CCDC57: variants seen among roughly 807,000 people sequenced by gnomAD.
The protein encoded by CCDC57 is coiled-coil domain containing 57.
In CCDC57, 118 loss-of-function variants were observed where a neutral mutation model predicts 118.9. The observed-to-expected ratio is 0.99, with a 90% CI of 0.86 to 1.16. The LOEUF is 1.16. CCDC57 is among the 50% of genes most tolerant of loss of function. The pLI is 0.00. For synonymous variants in CCDC57, 527 were observed against 532.9 expected (o/e 0.99, Z 0.15); for missense variants, 1,300 against 1,320.7 (o/e 0.98, Z 0.24).
chr17:82,181,943 C>T (rs2146459871), intron 9 of CCDC57, among the ~76,000 whole-genome samples: 1 of 152,102 alleles, frequency 6.6e-6, no homozygotes, highest in Non-Finnish European at 1.5e-5. Context: ...CATGGTGAAA[C>T]CCTGTCTCTA....
At chr17:82,201,877 G>A (rs981530375) in exon 3 of CCDC57, 23 of 1,612,268 alleles carry the variant, frequency 1.4e-5, no homozygotes, top group East Asian at 4.5e-5. Flanking sequence ...TGCCTGCAGC[G>A]CCCTCCACTC....
intron 3 of CCDC57, among the ~76,000 whole-genome samples, 192 bp from the exon 3 acceptor site, chr17:82,198,614 A>G (rs940419706): frequency 2.6e-5 from 4 of 152,040 alleles, no homozygotes; most frequent in African/African-American, 9.7e-5. Flanking sequence ...ATAAAAGAGG[A>G]AATTAAATAG....
At chr17:82,157,474 G>A in intron 15 of CCDC57, 1 of 1,401,020 alleles carries the variant, frequency 7.1e-7, no homozygotes, top group South Asian at 1.6e-5. Context: ...GATGCTGTTA[G>A]CTGAAGGGAG....
rs8070014 is a variant in CCDC57, at chr17:82,157,371, T to C, written c.2241+377A>G. 65 of 1,001,902 alleles carry C rather than the reference T, an allele frequency of 6.5e-5. 3 individuals carry two copies. The South Asian group carries it at 1.7e-3, about 26-fold the overall frequency. The allele number at this position is 1,001,902 out of a possible 1,614,324, so 62.1% of individuals were successfully genotyped here. ...CCCAACGCTAGGCATGGGGCAGGCA[T>C]GGCTGTGCACGCAGACGCCCCCTCA... On this transcript the variant is annotated intron_variant, in intron 15 of 19. Coordinates refer to ENST00000665763, the Ensembl canonical transcript of CCDC57.
chr17:82,201,744 C>T (rs571832699), exon 3 of CCDC57: 5 of 1,613,978 alleles, frequency 3.1e-6, no homozygotes, highest in Admixed American at 1.7e-5. Flanking sequence ...GCTCGAGGTC[C>T]CGCTCCTCCA....
At chr17:82,107,853 C>T (rs77270221) in intron 19 of CCDC57, among the ~76,000 whole-genome samples, 1 of 152,158 alleles carries the variant, frequency 6.6e-6, no homozygotes, top group Non-Finnish European at 1.5e-5. Context: ...CCATCGGGTG[C>T]TCTCAGGACA....
chr17:82,170,924 A>G (rs568227125), intron 13 of CCDC57, among the ~76,000 whole-genome samples: 1 of 152,402 alleles, frequency 6.6e-6, no homozygotes, highest in East Asian at 1.9e-4. Flanking sequence ...GCTACCTCGC[A>G]CGATGTGGAT....
chr17:82,123,161 C>T (rs1327255499), intron 19 of CCDC57, among the ~76,000 whole-genome samples: 2 of 127,204 alleles, frequency 1.6e-5, no homozygotes, highest in Non-Finnish European at 3.2e-5. Context: ...CAGGGTCTTG[C>T]TCTCTCACCC....
At chr17:82,201,235 T>C (rs374517268) in intron 3 of CCDC57, among the ~76,000 whole-genome samples, 6 of 152,250 alleles carry the variant, frequency 3.9e-5, no homozygotes, top group Non-Finnish European at 7.3e-5. Context: ...TTAATATAGA[T>C]TTATAATTAA....
intron 19 of CCDC57, among the ~76,000 whole-genome samples, chr17:82,110,849 A>T (rs1242614511): frequency 1.3e-5 from 2 of 151,994 alleles, no homozygotes; most frequent in African/African-American, 2.4e-5. Context: ...ACATGGAGAA[A>T]CCCTGTTTCT....
intron 16 of CCDC57, among the ~76,000 whole-genome samples, chr17:82,138,567 G>T (rs984451048): frequency 1.3e-5 from 2 of 152,124 alleles, no homozygotes; most frequent in African/African-American, 4.8e-5. Context: ...AAAGAAAAAA[G>T]ATGTTAAGGA....
intron 17 of CCDC57, among the ~76,000 whole-genome samples, chr17:82,131,345 C>T (rs771000871): frequency 2.0e-5 from 3 of 151,786 alleles, no homozygotes; most frequent in East Asian, 2.0e-4. Flanking sequence ...GCAGGAGAAT[C>T]GCTTGAACCT....
intron 8 of CCDC57, among the ~76,000 whole-genome samples, chr17:82,186,664 A>G (rs1208719315): frequency 3.3e-5 from 5 of 152,172 alleles, no homozygotes; most frequent in Admixed American, 6.5e-5. Flanking sequence ...AGAATTCTCT[A>G]TCGGTGGTGG....
intron 7 of CCDC57, 51 bp from the exon 7 acceptor site, chr17:82,188,470 G>C: frequency 6.4e-7 from 1 of 1,552,498 alleles, no homozygotes. Flanking sequence ...CAACACCCAG[G>C]CCCCAGACCC....
chr17:82,195,700 C>G (rs891832235), intron 4 of CCDC57, among the ~76,000 whole-genome samples: 18 of 152,136 alleles, frequency 1.2e-4, no homozygotes, highest in Admixed American at 4.6e-4. Context: ...CCAAGATCTT[C>G]CAAAACAAGA....
intron 18 of CCDC57, among the ~76,000 whole-genome samples, chr17:82,128,149 C>T (rs1436083517): frequency 6.6e-6 from 1 of 152,144 alleles, no homozygotes; most frequent in Non-Finnish European, 1.5e-5. Context: ...CTCGTCTCAA[C>T]ACTTAAATGA....
chr17:82,150,773 TCAGAACCTGGTGCACACC>T (rs2041860361), intron 16 of CCDC57, among the ~76,000 whole-genome samples: 1 of 17,182 alleles, frequency 5.8e-5, no homozygotes, highest in African/African-American at 2.7e-4. Context: ...AGGCGCACAC[TCAGAACCTGGTGCACACC>T]CAGAACCTGA....
intron 19 of CCDC57, among the ~76,000 whole-genome samples, chr17:82,111,357 C>G (rs1408460237): frequency 6.8e-6 from 1 of 147,732 alleles, no homozygotes; most frequent in East Asian, 2.0e-4. Flanking sequence ...CCACCTTGGC[C>G]TCTCAAAGTG....
intron 3 of CCDC57, among the ~76,000 whole-genome samples, chr17:82,200,295 C>G (rs1471488752): frequency 6.6e-6 from 1 of 152,168 alleles, no homozygotes; most frequent in Non-Finnish European, 1.5e-5. Flanking sequence ...AGGACAGACA[C>G]CACAAATCGA....
Sources: gnomAD v4.1 joint callset for allele counts (sites outside exome capture counted in the v4.1 genomes callset) on GRCh38, gnomAD v4.1.1 for gene constraint, MANE v1.5 for transcripts, NCBI Gene and HGNC (gene_info 2026-07-23, HGNC 2026-07-21) for gene names.